The following DOP1A variants were observed in gnomAD, a reference collection of about 807,000 sequenced individuals.
The protein encoded by DOP1A is DOP1 leucine zipper like protein A, also known as protein DOP1A.
Under a neutral mutation model 267.6 loss-of-function variants are expected in DOP1A, and 90 were observed. The ratio of observed to expected loss-of-function variants is 0.34; its 90% CI spans 0.28 to 0.40. DOP1A has a LOEUF of 0.40. Ranked by LOEUF, DOP1A falls within the 10% of genes least tolerant of loss-of-function variation. DOP1A has a pLI of 1.00. For missense variants in DOP1A, 2,437 were observed against 2,900.4 expected (o/e 0.84, Z 3.67); for synonymous variants, 932 against 999.1 (o/e 0.93, Z 1.27).
intron 4 of DOP1A, among the ~76,000 whole-genome samples, chr6:83,105,356 C>CTTTTTTTTTTTTTT (rs70987733): frequency 1.5e-5 from 1 of 65,892 alleles, no homozygotes; most frequent in African/African-American, 5.5e-5. Context: ...GGATGTCTTT[C>CTTTTTTTTTTTTTT]TTTTTTTTTT....
Position 83,132,365 on chromosome 6 carries a change from C to CCA in DOP1A, c.2769+56_2769+57dup, listed in dbSNP as rs3830927. 9.3e-3 allele frequency: 12,538 copies of CCA among 1,342,582 alleles called. 15 individuals carry two copies. The highest frequency in any genetic ancestry group is 0.048 in the East Asian group (1,747 of 36,724). The allele number at this position is 1,342,582 out of a possible 1,614,324, so 83.2% of individuals were successfully genotyped here. A position where few individuals can be genotyped will look rare whatever the true frequency, so the allele number is the denominator to read the frequency against. Reference sequence around the variant, plus strand: ...TATCTTGTGCACACCGCCCCCTCCGCCACACACACACACACACACAAATAC... The same window carrying CCA: ...TATCTTGTGCACACCGCCCCCTCCGCCACACACACACACACACACACAAATAC... On this transcript the variant is annotated intron_variant, in intron 18 of 38. Transcript: ENST00000349129.
Position 83,123,817 on chromosome 6 carries a change from G to A in DOP1A, c.1340+835G>A, listed in dbSNP as rs72903879. On this transcript the variant is annotated intron_variant, in intron 12 of 38. Transcript: ENST00000349129. ...CTTAATAGATTAAAATGTAGGAATC[G>A]TATTTTTTTGCCGCCTGGCCCTACC... Among the ~76,000 whole-genome samples, 860 of 152,102 alleles carry A rather than the reference G, an allele frequency of 5.7e-3. 4 individuals are homozygous for A. Among genetic ancestry groups the A allele is most frequent in the Non-Finnish European group, 8.7e-3 (590 of 67,944 alleles).
At chr6:83,100,672 T>G in intron 3 of DOP1A, 33 bp from the exon 4 acceptor site, 2 of 1,384,460 alleles carry the variant, frequency 1.4e-6, no homozygotes, top group Non-Finnish European at 1.9e-6. Flanking sequence ...AATATTTTGT[T>G]TTTCTCAACT....
intron 4 of DOP1A, 143 bp from the exon 5 acceptor site, chr6:83,108,767 A>G (rs909389520): frequency 2.9e-6 from 2 of 692,382 alleles, no homozygotes; most frequent in Non-Finnish European, 4.5e-6. Context: ...TAATGGATGT[A>G]GTCATTCATA....
intron 3 of DOP1A, among the ~76,000 whole-genome samples, chr6:83,098,919 T>G (rs942590981): frequency 2.0e-5 from 3 of 152,156 alleles, no homozygotes; most frequent in Non-Finnish European, 4.4e-5. Context: ...CAGCATTCCT[T>G]CCTTCTGGGT....
rs758396028 is a variant in DOP1A, at chr6:83,135,586, G to A, written c.2871-33G>A. 2.5e-6 allele frequency: 4 copies of A among 1,586,386 alleles called. No homozygotes were observed. In the African/African-American group the frequency reaches 4.1e-5, roughly 16 times the overall value. On this transcript the variant is annotated intron_variant, in intron 19 of 38. Transcript: ENST00000349129. Reference sequence around the variant, plus strand: ...AAGAGTGTGACAAGGTAGATGTTTGGTTCTTTATTTTAATTATTTGTGTTT... The same window carrying A: ...AAGAGTGTGACAAGGTAGATGTTTGATTCTTTATTTTAATTATTTGTGTTT...
intron 18 of DOP1A, among the ~76,000 whole-genome samples, chr6:83,133,007 A>C (rs896014755): frequency 2.6e-5 from 4 of 152,104 alleles, no homozygotes; most frequent in Non-Finnish European, 4.4e-5. Flanking sequence ...AAAAAACTCA[A>C]AATGCTAGTG....
chr6:83,104,778 T>G (rs568054217), intron 4 of DOP1A, among the ~76,000 whole-genome samples: 2 of 152,298 alleles, frequency 1.3e-5, no homozygotes, highest in Non-Finnish European at 2.9e-5. Context: ...CTTTGTAGCA[T>G]GTAGGATCTA....
downstream of DOP1A, chr6:83,170,300 C>G: frequency 6.2e-7 from 1 of 1,613,892 alleles, no homozygotes; most frequent in Non-Finnish European, 8.5e-7. Context: ...ACTATCCCAG[C>G]TTACTTGTGA....
chr6:83,141,978 C>T lies in DOP1A; in HGVS notation c.5473C>T (p.His1825Tyr), dbSNP rs751196522. 69 of 1,612,206 alleles carry T rather than the reference C, an allele frequency of 4.3e-5. No homozygotes were observed. The highest frequency in any genetic ancestry group is 2.0e-4 in the Admixed American group (12 of 59,574). The change falls in exon 24 of 39, where the codon CAC (histidine) becomes TAC (tyrosine). Residue 1825 changes from histidine (H) to tyrosine (Y), a missense_variant. By Grantham distance (83) the His-to-Tyr change is moderately conservative (BLOSUM62 2). Around this residue, in one of 9 missense-constraint regions of DOP1A, gnomAD observed 307 missense variants for 308.6 expected, o/e 0.99. Coordinates refer to ENST00000349129, the MANE Select transcript of DOP1A (RefSeq NM_015018.4). ...CCCCATTTCAATGAATCATGGTGTT[C>T]ACTTTATGGCTGCCATTGCATTTGT... is the stretch of plus-strand genomic sequence containing the variant. ...LGPISMNHGVHFMAAIAFVWN... is the reference protein window; with the variant it reads ...LGPISMNHGVYFMAAIAFVWN...
intron 38 of DOP1A, chr6:83,165,826 T>C: frequency 3.1e-6 from 1 of 319,544 alleles, no homozygotes; most frequent in South Asian, 2.9e-5. Flanking sequence ...TGGTGGCCAA[T>C]GCCGGCTGCA....
At chr6:83,141,878 A>C (rs1324194662) in intron 23 of DOP1A, 43 bp from the exon 24 acceptor site, 2 of 1,567,596 alleles carry the variant, frequency 1.3e-6, no homozygotes, top group Non-Finnish European at 1.7e-6. Context: ...ATGTTTTTTC[A>C]TTTTTTAAAA....
chr6:83,153,433 A>G (rs778394055), intron 30 of DOP1A, 78 bp from the exon 31 acceptor site: 11 of 885,118 alleles, frequency 1.2e-5, no homozygotes, highest in Non-Finnish European at 6.7e-6. Context: ...TAGGTTTTCT[A>G]ACAAACTGAA....
chr6:83,166,843 TAGA>T, intron 38 of DOP1A: 1 of 1,002,502 alleles, frequency 1.0e-6, no homozygotes, highest in Non-Finnish European at 1.2e-6. Context: ...CATCTGATCT[TAGA>T]AGGCAAACTC....
In DOP1A at chr6:83,074,858, C is replaced by G. The variant is rs73481088; in HGVS notation, c.-147+7079C>G. On this transcript the variant is annotated intron_variant, in intron 1 of 38. Coordinates refer to ENST00000349129, the MANE Select transcript of DOP1A (RefSeq NM_015018.4). ...GGCCAAGGCCAGAGGATTGCTTGAG[C>G]CCAGCAATGCTAAATGAAATGTTGA... 7.5e-3 allele frequency among the ~76,000 whole-genome samples: 1,138 copies of G among 152,262 alleles called. 20 individuals are homozygous for G. The highest frequency in any genetic ancestry group is 0.026 in the African/African-American group (1,077 of 41,540).
Position 83,140,004 on chromosome 6 carries a change from C to T in DOP1A, c.5125C>T (p.Leu1709=). ...YETGLSDSRP[L]WMASIIPPDM... ...AATGAATGCATTTTACTTCAGGCCT[C>T]TGTGGATGGCATCAATTATTCCACC... is the stretch of plus-strand genomic sequence containing the variant. Residue 1709 remains leucine, a synonymous_variant, in exon 22 of 39, where the codon CTG becomes TTG. Transcript: ENST00000349129. 1.9e-6 allele frequency: 3 copies of T among 1,611,018 alleles called. No homozygotes were observed.
At chr6:83,072,113 C>G (rs1022215759) in intron 1 of DOP1A, among the ~76,000 whole-genome samples, 2 of 152,136 alleles carry the variant, frequency 1.3e-5, no homozygotes, top group Non-Finnish European at 2.9e-5. Flanking sequence ...CTTCTACTCT[C>G]CTGTGGAAGG....
At chr6:83,085,438 A>T (rs925466840) in intron 1 of DOP1A, among the ~76,000 whole-genome samples, 1 of 152,208 alleles carries the variant, frequency 6.6e-6, no homozygotes, top group Admixed American at 6.5e-5. Flanking sequence ...ATGTGGTAAG[A>T]GTTTGGCCCC....
chr6:83,141,729 T>C (rs1186795737), intron 23 of DOP1A, among the ~76,000 whole-genome samples, 192 bp from the exon 24 acceptor site: 1 of 152,222 alleles, frequency 6.6e-6, no homozygotes, highest in East Asian at 1.9e-4. Flanking sequence ...CGTCATTTTA[T>C]AGGATTTGTT....
Sources: gnomAD v4.1 joint callset for allele counts (sites outside exome capture counted in the v4.1 genomes callset) on GRCh38, gnomAD v4.1.1 for gene constraint, gnomAD v4.1.1 regional missense constraint, MANE v1.5 for transcripts, NCBI Gene and HGNC (gene_info 2026-07-23, HGNC 2026-07-21) for gene names.